TRPM3: variants seen among roughly 807,000 people sequenced by gnomAD.
TRPM3 encodes the protein transient receptor potential cation channel subfamily M member 3, also known as long transient receptor potential channel 3.
A neutral mutation model predicts 181.2 loss-of-function variants in TRPM3; 77 were observed. The observed-to-expected ratio is 0.42, with a 90% CI of 0.35 to 0.51. The LOEUF (loss-of-function observed/expected upper bound fraction) is 0.51. Among genes scored for constraint, TRPM3 ranks in the 20% least tolerant of loss-of-function variants. The pLI, the probability that TRPM3 is intolerant of heterozygous loss-of-function variation, is 0.01. For synonymous variants in TRPM3, 745 were observed against 796.4 expected, an observed-to-expected ratio of 0.94 and a Z score of 1.09; for missense variants, 1,759 against 2,196.7, an observed-to-expected ratio of 0.80 and a Z score of 3.98.
chr9:71,032,350 A>T (rs1247979996), intron 1 of TRPM3, among the ~76,000 whole-genome samples: 1 of 150,346 alleles, frequency 6.7e-6, no homozygotes, highest in Non-Finnish European at 1.5e-5. Context: ...ATGATGAAAG[A>T]TCTGGACCCA....
At chr9:70,644,686 T>C (rs2058553721) in intron 9 of TRPM3, among the ~76,000 whole-genome samples, 2 of 152,114 alleles carry the variant, frequency 1.3e-5, no homozygotes, top group Non-Finnish European at 2.9e-5. Context: ...CTATTCAACA[T>C]AGTACTGGAA....
intron 6 of TRPM3, among the ~76,000 whole-genome samples, chr9:70,815,402 T>C (rs1310257574): frequency 6.6e-6 from 1 of 152,194 alleles, no homozygotes; most frequent in Non-Finnish European, 1.5e-5. Context: ...AAAGGGTACA[T>C]ATATTTCATA....
chr9:70,612,869 G>A (rs112791349), intron 18 of TRPM3, among the ~76,000 whole-genome samples: 5 of 152,176 alleles, frequency 3.3e-5, no homozygotes, highest in African/African-American at 7.2e-5. Context: ...TGCTATTTGC[G>A]GACACAATGA....
At chr9:70,968,073 T>C (rs2097203359) in intron 1 of TRPM3, among the ~76,000 whole-genome samples, 1 of 152,088 alleles carries the variant, frequency 6.6e-6, no homozygotes, top group African/African-American at 2.4e-5. Context: ...CTCTTTATCC[T>C]TTTTCCATAA....
intron 1 of TRPM3, among the ~76,000 whole-genome samples, chr9:71,069,673 A>G (rs2062456204): frequency 1.3e-5 from 2 of 149,820 alleles, no homozygotes; most frequent in African/African-American, 2.5e-5. Flanking sequence ...CAGTGGCACA[A>G]TCTTGGCTCA....
rs557744579 is a variant in TRPM3, at chr9:71,188,697, C to A, written c.183+257956G>T. On this transcript the variant is annotated intron_variant, in intron 1 of 24. Transcript: ENST00000357533. The stretch of plus-strand genomic sequence containing the variant: ...GCACTGCCCTTCCAGACACTCAAGT[C>A]TACCATGATCCAGAAGTCACTATGC... Among the ~76,000 whole-genome samples, 140 of 151,986 alleles carry A rather than the reference C, an allele frequency of 9.2e-4. 1 individual carries two copies. The highest frequency in any genetic ancestry group is 5.0e-4 in the Non-Finnish European group (34 of 67,884).
chr9:71,311,474 T>A (rs1416091870), intron 1 of TRPM3, among the ~76,000 whole-genome samples: 1 of 152,156 alleles, frequency 6.6e-6, no homozygotes, highest in Non-Finnish European at 1.5e-5. Context: ...TATAGTCAGC[T>A]GATCTTTGGC....
intron 1 of TRPM3, among the ~76,000 whole-genome samples, chr9:71,277,741 A>C (rs2084337673): frequency 6.6e-6 from 1 of 152,336 alleles, no homozygotes; most frequent in South Asian, 2.1e-4. Flanking sequence ...TTTAACAAAT[A>C]TCTAATCTGT....
intron 20 of TRPM3, among the ~76,000 whole-genome samples, chr9:70,601,199 C>T (rs1589131072): frequency 6.6e-6 from 1 of 152,150 alleles, no homozygotes; most frequent in African/African-American, 2.4e-5. Context: ...GTCACGCCAT[C>T]GACCTCACAG....
At chr9:70,980,905 T>C (rs527477494) in intron 1 of TRPM3, among the ~76,000 whole-genome samples, 2 of 152,310 alleles carry the variant, frequency 1.3e-5, no homozygotes, top group South Asian at 2.1e-4. Context: ...TCCTCTCCTA[T>C]GTTTTAGGAC....
intron 8 of TRPM3, among the ~76,000 whole-genome samples, chr9:70,696,647 G>A (rs1232280439): frequency 1.3e-5 from 2 of 152,110 alleles, no homozygotes; most frequent in African/African-American, 2.4e-5. Flanking sequence ...GGACACGCAG[G>A]GCCAATGCCA....
chr9:71,074,917 TTGAA>T (rs2133616665), intron 1 of TRPM3, among the ~76,000 whole-genome samples: 1 of 152,264 alleles, frequency 6.6e-6, no homozygotes, highest in South Asian at 2.1e-4. Flanking sequence ...GGTGAAAAGT[TTGAA>T]TGAGACTTTA....
chr9:70,951,585 G>A (rs983759492), intron 1 of TRPM3, among the ~76,000 whole-genome samples: 10 of 152,212 alleles, frequency 6.6e-5, no homozygotes, highest in Middle Eastern at 3.4e-3. Flanking sequence ...CAGGTGATCC[G>A]ACTGCCTTGG....
At chr9:71,414,373 C>T (rs537890846) in intron 1 of TRPM3, among the ~76,000 whole-genome samples, 1 of 152,192 alleles carries the variant, frequency 6.6e-6, no homozygotes, top group African/African-American at 2.4e-5. Flanking sequence ...CTTTATATCA[C>T]CACTCTCTTA....
intron 1 of TRPM3, among the ~76,000 whole-genome samples, chr9:71,229,254 G>C (rs1305470920): frequency 2.0e-5 from 3 of 152,084 alleles, no homozygotes; most frequent in Admixed American, 2.0e-4. Flanking sequence ...TGGGAAAACT[G>C]GATTTCCATA....
intron 1 of TRPM3, among the ~76,000 whole-genome samples, chr9:70,932,969 T>C (rs930910459): frequency 6.6e-6 from 1 of 152,132 alleles, no homozygotes; most frequent in Non-Finnish European, 1.5e-5. Context: ...GTTTGAGATA[T>C]ATTTTAGAGG....
At chr9:71,323,386 C>T (rs1413227691) in intron 1 of TRPM3, among the ~76,000 whole-genome samples, 1 of 152,090 alleles carries the variant, frequency 6.6e-6, no homozygotes. Flanking sequence ...ATCTCATATA[C>T]ATTATTTTAT....
intron 1 of TRPM3, among the ~76,000 whole-genome samples, chr9:71,363,374 G>A (rs2092228061): frequency 6.6e-6 from 1 of 152,166 alleles, no homozygotes; most frequent in Non-Finnish European, 1.5e-5. Flanking sequence ...CAAATTGGGA[G>A]ATTACAATTA....
chr9:71,354,204 C>T (rs2091796110), intron 1 of TRPM3, among the ~76,000 whole-genome samples: 1 of 152,114 alleles, frequency 6.6e-6, no homozygotes, highest in African/African-American at 2.4e-5. Context: ...GGGAGAGAGT[C>T]AATAGGGAGG....
Sources: allele counts gnomAD v4.1 joint callset (sites outside exome capture counted in the v4.1 genomes callset), GRCh38; gene constraint gnomAD v4.1.1; transcripts MANE v1.5; gene names NCBI Gene and HGNC (gene_info 2026-07-23, HGNC 2026-07-21).